NRXN3: variants seen among roughly 807,000 people sequenced by gnomAD.
NRXN3 encodes the protein neurexin III.
A neutral mutation model predicts 137.6 loss-of-function variants in NRXN3; 32 were observed. The ratio of observed to expected loss-of-function variants is 0.23; its 90% CI spans 0.18 to 0.31. The LOEUF is 0.31. NRXN3 is among the 10% of genes least tolerant of loss of function. NRXN3 has a pLI of 1.00. For synonymous variants in NRXN3, 798 were observed against 784.5 expected, an observed-to-expected ratio of 1.02 and a Z score of -0.29; for missense variants, 1,574 against 2,062.5, an observed-to-expected ratio of 0.76 and a Z score of 4.59.
chr14:78,292,899 TTGC>T (rs2075949123), intron 3 of NRXN3, among the ~76,000 whole-genome samples: 1 of 152,132 alleles, frequency 6.6e-6, no homozygotes, highest in Non-Finnish European at 1.5e-5. Flanking sequence ...ACCTGGGAGA[TTGC>T]TGCTGATGGG....
chr14:78,229,793 C>G (rs187144642), intron 1 of NRXN3, among the ~76,000 whole-genome samples: 55 of 152,232 alleles, frequency 3.6e-4, no homozygotes, highest in Admixed American at 3.0e-3. Context: ...TGTCTTCCTT[C>G]TTTATGCCTC....
intron 16 of NRXN3, among the ~76,000 whole-genome samples, chr14:79,491,670 T>TGA (rs1167774716): frequency 7.2e-5 from 11 of 151,926 alleles, no homozygotes; most frequent in South Asian, 4.2e-4. Context: ...TGTGTGTGTG[T>TGA]GAGAGAAAGA....
rs145565516 is a variant in NRXN3, at chr14:78,882,079, G to A, written c.2275+71735G>A. Among the ~76,000 whole-genome samples, 123 of 151,934 alleles carry A rather than the reference G, an allele frequency of 8.1e-4. 9 individuals are homozygous for A. The highest frequency in any genetic ancestry group is 2.9e-3 in the African/African-American group (119 of 41,186). ...CCATTCTTGGCAGCTTCCACATAGTGTTGGGCCTGTGATTGTATAGAAGAC... is the reference window on the plus strand; with the variant it reads ...CCATTCTTGGCAGCTTCCACATAGTATTGGGCCTGTGATTGTATAGAAGAC... On this transcript the variant is annotated intron_variant, in intron 10 of 20. Coordinates refer to ENST00000335750, the MANE Select transcript of NRXN3 (RefSeq NM_001330195.2).
chr14:78,655,961 C>G (rs1003770858), intron 6 of NRXN3, among the ~76,000 whole-genome samples: 5 of 152,046 alleles, frequency 3.3e-5, no homozygotes, highest in African/African-American at 1.2e-4. Context: ...TCTAGGGTCC[C>G]TTTTATAAGG....
chr14:79,000,492 C>G (rs2099539238), intron 15 of NRXN3, among the ~76,000 whole-genome samples: 1 of 152,076 alleles, frequency 6.6e-6, no homozygotes, highest in South Asian at 2.1e-4. Flanking sequence ...GGCATAAAGC[C>G]CCTTTATTCC....
At chr14:79,402,258 A>G (rs1257439854) in intron 15 of NRXN3, among the ~76,000 whole-genome samples, 6 of 152,102 alleles carry the variant, frequency 3.9e-5, no homozygotes, top group African/African-American at 1.4e-4. Flanking sequence ...TCTAAAATTC[A>G]GTTACTCTCT....
chr14:78,743,288 T>C (rs2098589915), intron 8 of NRXN3, among the ~76,000 whole-genome samples: 1 of 152,214 alleles, frequency 6.6e-6, no homozygotes, highest in Non-Finnish European at 1.5e-5. Flanking sequence ...TTATGCTCTA[T>C]TTGGTGTTTG....
chr14:79,526,528 C>G (rs977304554), intron 16 of NRXN3, among the ~76,000 whole-genome samples: 1 of 152,154 alleles, frequency 6.6e-6, no homozygotes, highest in Non-Finnish European at 1.5e-5. Flanking sequence ...GAAGTTTGCT[C>G]CTAATCATGT....
intron 4 of NRXN3, among the ~76,000 whole-genome samples, chr14:78,506,108 TG>T (rs2095985025): frequency 6.6e-6 from 1 of 152,182 alleles, no homozygotes; most frequent in African/African-American, 2.4e-5. Context: ...CTATATCCAT[TG>T]AACAATTCCC....
At chr14:79,763,872 A>C (rs2099047321) in intron 19 of NRXN3, among the ~76,000 whole-genome samples, 1 of 151,626 alleles carries the variant, frequency 6.6e-6, no homozygotes, top group Admixed American at 6.5e-5. Flanking sequence ...GGTGGGGCAC[A>C]CACATTCAGA....
chr14:79,786,820 C>A (rs2099130831), intron 19 of NRXN3, among the ~76,000 whole-genome samples: 4 of 152,182 alleles, frequency 2.6e-5, no homozygotes, highest in Admixed American at 2.6e-4. Context: ...GAGGTACTTA[C>A]AAACAGCATA....
intron 19 of NRXN3, among the ~76,000 whole-genome samples, chr14:79,751,719 A>G (rs2098998379): frequency 6.7e-6 from 1 of 150,102 alleles, no homozygotes; most frequent in African/African-American, 2.4e-5. Context: ...TGTCATAGAT[A>G]GCTCTTATTA....
rs575496313 is a variant in NRXN3, at chr14:79,114,335, C to G, written c.3262+126194C>G. 2.0e-5 allele frequency among the ~76,000 whole-genome samples: 3 copies of G among 152,292 alleles called. No individual in the cohort carries two copies. The East Asian group carries it at 5.8e-4, about 29-fold the overall frequency. ...AGATAGAGAAACACTGCTCTGGATG[C>G]AGGCATTCTCTCCAAGTAGATATAT... On this transcript the variant is annotated intron_variant, in intron 15 of 20. Coordinates refer to ENST00000335750, the MANE Select transcript of NRXN3 (RefSeq NM_001330195.2).
chr14:79,665,890 CTAT>C (rs1409575556), intron 17 of NRXN3, among the ~76,000 whole-genome samples: 1 of 152,078 alleles, frequency 6.6e-6, no homozygotes, highest in East Asian at 1.9e-4. Context: ...CTCCTGAAAA[CTAT>C]TATTATCATT....
chr14:79,861,577 T>C lies in NRXN3; in HGVS notation c.4329T>C (p.Leu1443=). ...DLKPQPDIVL[L]PLPTAYELDS... ...AACCCCAGCCTGATATAGTCTTGCT[T>C]CCGTTGCCCACTGCCTATGAGCTAG... The change falls in exon 21 of 21, where the codon CTT becomes CTC. Residue 1443 remains leucine (L), a synonymous_variant. Coordinates refer to ENST00000335750, the MANE Select transcript of NRXN3 (RefSeq NM_001330195.2). The surrounding 1 kb of genome is among the most constrained non-coding windows in gnomAD (Gnocchi z 5.4). 6.2e-7 allele frequency: 1 copy of C among 1,604,120 alleles called. No individual in the cohort carries two copies. The highest frequency in any genetic ancestry group is 8.5e-7 in the Non-Finnish European group (1 of 1,175,656).
chr14:79,279,391 C>A, intron 15 of NRXN3: 14 of 986,316 alleles, frequency 1.4e-5, no homozygotes, highest in Non-Finnish European at 1.6e-5. Context: ...CTTCACTTCA[C>A]CTGTGCCTCC....
chr14:79,664,492 C>T (rs567749482), intron 17 of NRXN3, among the ~76,000 whole-genome samples: 1 of 152,174 alleles, frequency 6.6e-6, no homozygotes, highest in South Asian at 2.1e-4. Flanking sequence ...TTCTCACTTA[C>T]CCTAAGCCTG....
At chr14:79,017,765 A>G (rs1357561792) in intron 15 of NRXN3, among the ~76,000 whole-genome samples, 4 of 152,114 alleles carry the variant, frequency 2.6e-5, no homozygotes, top group Non-Finnish European at 5.9e-5. Flanking sequence ...AAGGAACTGA[A>G]ACTTCTCTCC....
chr14:79,273,311 G>GA (rs976113592), intron 15 of NRXN3, among the ~76,000 whole-genome samples: 2 of 151,366 alleles, frequency 1.3e-5, no homozygotes, highest in African/African-American at 4.9e-5. Context: ...CTCATCTGGA[G>GA]AAAAAAATAA....
Sources: allele counts gnomAD v4.1 joint callset (sites outside exome capture counted in the v4.1 genomes callset), GRCh38; gene constraint gnomAD v4.1.1; non-coding constraint Gnocchi (gnomAD v3.1); transcripts MANE v1.5; gene names NCBI Gene and HGNC (gene_info 2026-07-23, HGNC 2026-07-21).